The following KIF6 variants were observed in gnomAD, a reference collection of about 807,000 sequenced individuals.
KIF6 encodes the protein kinesin family member 6.
A neutral mutation model predicts 112.7 loss-of-function variants in KIF6; 106 were observed. The ratio of observed to expected loss-of-function variants is 0.94; its 90% CI spans 0.80 to 1.11. KIF6 has a LOEUF of 1.11. Ranked by LOEUF, KIF6 falls within the 50% of genes least tolerant of loss-of-function variation. The pLI, the probability that KIF6 is intolerant of heterozygous loss-of-function variation, is 0.00. For missense variants in KIF6, 929 were observed against 964.0 expected (o/e 0.96, Z 0.48); for synonymous variants, 339 against 339.9 (o/e 1.00, Z 0.03).
At chr6:39,705,240 T>G (rs746945693) in intron 3 of KIF6, among the ~76,000 whole-genome samples, 3 of 152,274 alleles carry the variant, frequency 2.0e-5, no homozygotes, top group Admixed American at 6.5e-5. Flanking sequence ...ATTCAATAGG[T>G]CTGGGTGAGG....
chr6:39,559,040 T>G (rs796855050), intron 10 of KIF6, among the ~76,000 whole-genome samples: 5 of 152,266 alleles, frequency 3.3e-5, no homozygotes, highest in African/African-American at 1.2e-4. Flanking sequence ...ATCTTCAAAA[T>G]GTAGTGTCAG....
chr6:39,604,452 A>G (rs1463218030), intron 6 of KIF6, among the ~76,000 whole-genome samples: 1 of 152,160 alleles, frequency 6.6e-6, no homozygotes, highest in Non-Finnish European at 1.5e-5. Context: ...GTTTCAGAAC[A>G]CACTGCCTAG....
intron 1 of KIF6, among the ~76,000 whole-genome samples, chr6:39,722,818 GTGACACCTAAAAATA>G (rs1790297278): frequency 2.0e-5 from 3 of 152,286 alleles, no homozygotes; most frequent in East Asian, 3.9e-4. Context: ...GTATGTGTGT[GTGACACCTAAAAATA>G]TGACACCTAA....
At chr6:39,640,192 G>A (rs2150769173) in intron 3 of KIF6, among the ~76,000 whole-genome samples, 1 of 152,118 alleles carries the variant, frequency 6.6e-6, no homozygotes, top group South Asian at 2.1e-4. Context: ...CATATACCTT[G>A]CAATGTAATT....
rs189522812 is a variant in KIF6 at position 39,436,083 on chromosome 6, G to A, written c.1646-4922C>T. Among the ~76,000 whole-genome samples the A allele has an allele frequency of 1.3e-3, 192 of 152,136 alleles. 1 individual carries two copies. The highest frequency in any genetic ancestry group is 4.4e-3 in the African/African-American group (181 of 41,490). Reference sequence around the variant, plus strand: ...GGCTGGGGTAAGATGGTATTTCATCGTGGTTTTAATTTGCATTTCCCTGAT... The same window carrying A: ...GGCTGGGGTAAGATGGTATTTCATCATGGTTTTAATTTGCATTTCCCTGAT... On this transcript the variant is annotated intron_variant, in intron 13 of 22. Coordinates refer to ENST00000287152, the MANE Select transcript of KIF6 (RefSeq NM_145027.6).
chr6:39,487,338 C>T (rs1775177037), intron 13 of KIF6, among the ~76,000 whole-genome samples: 1 of 152,212 alleles, frequency 6.6e-6, no homozygotes, highest in African/African-American at 2.4e-5. Flanking sequence ...GGTCAGCCCT[C>T]TCTGGGAATT....
At chr6:39,458,588 G>C (rs1417552068) in intron 13 of KIF6, among the ~76,000 whole-genome samples, 1 of 147,632 alleles carries the variant, frequency 6.8e-6, no homozygotes, top group Non-Finnish European at 1.5e-5. Context: ...AATTGTCCCT[G>C]TTTGCAGACG....
At chr6:39,548,321 C>G (rs1244614447) in intron 10 of KIF6, among the ~76,000 whole-genome samples, 1 of 152,192 alleles carries the variant, frequency 6.6e-6, no homozygotes, top group African/African-American at 2.4e-5. Flanking sequence ...GGTATTCCAT[C>G]AAGGCTCCTC....
chr6:39,496,459 G>A (rs970458647), intron 13 of KIF6, among the ~76,000 whole-genome samples: 3 of 152,118 alleles, frequency 2.0e-5, no homozygotes, highest in African/African-American at 7.2e-5. Flanking sequence ...GTACCCCTGT[G>A]AGGGCATAAG....
chr6:39,535,272 G>T (rs1320279834), intron 13 of KIF6, among the ~76,000 whole-genome samples: 1 of 152,194 alleles, frequency 6.6e-6, no homozygotes, highest in Middle Eastern at 3.4e-3. Context: ...ACTGGCAAAT[G>T]GGATAAAGAG....
intron 18 of KIF6, among the ~76,000 whole-genome samples, chr6:39,358,677 G>A (rs985106978): frequency 5.3e-5 from 8 of 152,234 alleles, no homozygotes; most frequent in Non-Finnish European, 1.2e-4. Flanking sequence ...GGAGTCCACA[G>A]ACAGAATCCA....
intron 16 of KIF6, 30 bp downstream of exon 16, chr6:39,385,592 C>G: frequency 6.3e-7 from 1 of 1,580,034 alleles, no homozygotes; most frequent in Non-Finnish European, 8.7e-7. Flanking sequence ...TTACCTTCAT[C>G]CTCTTCCTGC....
intron 16 of KIF6, among the ~76,000 whole-genome samples, chr6:39,368,503 C>T (rs1359798406): frequency 1.3e-5 from 2 of 152,286 alleles, no homozygotes; most frequent in South Asian, 2.1e-4. Context: ...TGTATTGACT[C>T]GTCGTTGGTA....
intron 13 of KIF6, among the ~76,000 whole-genome samples, chr6:39,503,513 T>TA (rs2150496269): frequency 6.7e-6 from 1 of 148,258 alleles, no homozygotes; most frequent in East Asian, 2.2e-4. Context: ...GAAAACCCCT[T>TA]CAAAAAAAAA....
intron 15 of KIF6, among the ~76,000 whole-genome samples, chr6:39,387,029 G>A (rs1767487872): frequency 1.3e-5 from 2 of 152,324 alleles, no homozygotes; most frequent in South Asian, 4.1e-4. Context: ...ATCATTTATG[G>A]AGAGTTTTAG....
intron 10 of KIF6, among the ~76,000 whole-genome samples, chr6:39,563,555 G>A (rs1284738510): frequency 2.6e-5 from 4 of 151,974 alleles, no homozygotes; most frequent in Admixed American, 1.3e-4. Flanking sequence ...TAACTGTTGC[G>A]TTATGTTCCA....
In KIF6 at chr6:39,362,519, C is replaced by T. The variant is rs1486772872; in HGVS notation, c.1862-1G>A. On this transcript the variant is annotated splice_acceptor_variant, in intron 16 of 22. Coordinates refer to ENST00000287152, the MANE Select transcript of KIF6 (RefSeq NM_145027.6). LOFTEE classifies it high-confidence loss of function. ...GGCACGGCCATGTTTTCCGAGATTCCTGTAGAAGGAAGGTGCCAATGGGAT... is the reference window on the plus strand; with the variant it reads ...GGCACGGCCATGTTTTCCGAGATTCTTGTAGAAGGAAGGTGCCAATGGGAT... 6.2e-7 allele frequency: 1 copy of T among 1,611,018 alleles called. No individual in the cohort carries two copies.
intron 14 of KIF6, among the ~76,000 whole-genome samples, chr6:39,426,753 C>CA (rs80246183): frequency 2.7e-5 from 4 of 150,278 alleles, no homozygotes; most frequent in East Asian, 3.9e-4. Flanking sequence ...TCTGTCTCTT[C>CA]AAAAAAAAAG....
intron 19 of KIF6, among the ~76,000 whole-genome samples, chr6:39,350,328 A>C (rs1251559764): frequency 6.6e-6 from 1 of 152,126 alleles, no homozygotes; most frequent in Non-Finnish European, 1.5e-5. Context: ...CCTAAAAGGC[A>C]GTCATTGATC....
Sources: allele counts gnomAD v4.1 joint callset (sites outside exome capture counted in the v4.1 genomes callset), GRCh38; gene constraint gnomAD v4.1.1; transcripts MANE v1.5; gene names NCBI Gene and HGNC (gene_info 2026-07-23, HGNC 2026-07-21).